ATG4B: variants seen among roughly 807,000 people sequenced by gnomAD.
The protein encoded by ATG4B is cysteine protease ATG4B.
Under a neutral mutation model 56.6 loss-of-function variants are expected in ATG4B, and 29 were observed. The ratio of observed to expected loss-of-function variants is 0.51; its 90% CI spans 0.38 to 0.70. ATG4B has a LOEUF of 0.70. ATG4B is among the 30% of genes least tolerant of loss of function. The pLI is 0.00. For missense variants in ATG4B, 461 were observed against 515.5 expected, an observed-to-expected ratio of 0.89 and a Z score of 1.02; for synonymous variants, 224 against 206.1, an observed-to-expected ratio of 1.09 and a Z score of -0.74.
At chr2:241,654,511 A>G (rs1575071007) in intron 4 of ATG4B, 35 bp from the exon 5 acceptor site, 2 of 1,445,276 alleles carry the variant, frequency 1.4e-6, no homozygotes, top group South Asian at 1.2e-5. Context: ...TCTCATATTT[A>G]TGGTAGAGCT....
At chr2:241,653,432 C>A in intron 3 of ATG4B, 80 bp from the exon 4 acceptor site, 1 of 1,551,148 alleles carries the variant, frequency 6.4e-7, no homozygotes, top group Non-Finnish European at 8.7e-7. Context: ...GTGGGACTGA[C>A]CGGCTGCCTC....
intron 1 of ATG4B, among the ~76,000 whole-genome samples, chr2:241,638,952 C>T (rs977611386): frequency 6.6e-6 from 1 of 152,240 alleles, no homozygotes; most frequent in African/African-American, 2.4e-5. Flanking sequence ...CTCAGCCACT[C>T]TGGCAGCCAG....
At chr2:241,647,622 CAAAAAAAAAAAA>C (rs35875880) in intron 1 of ATG4B, among the ~76,000 whole-genome samples, 1,246 of 117,690 alleles carry the variant, frequency 0.011, 27 homozygotes, top group African/African-American at 0.037. Flanking sequence ...GACTCCGTCT[CAAAAAAAAAAAA>C]AAAAAAAAAG....
chr2:241,671,295 C>T lies in ATG4B; in HGVS notation c.1015-17C>T, dbSNP rs1235249500. On this transcript the variant is annotated splice_polypyrimidine_tract_variant and intron_variant, in intron 11 of 12. Coordinates refer to ENST00000404914, the MANE Select transcript of ATG4B (RefSeq NM_013325.5). ...ACTGGGGTGAGGCTGCACCTAACGG[C>T]CATGTCTCACTAACAGCTGTCTCTG... 3.1e-6 allele frequency: 5 copies of T among 1,606,514 alleles called. No individual in the cohort carries two copies. The African/African-American group carries it at 5.3e-5, about 17-fold the overall frequency.
chr2:241,658,145 G>C (rs1398610911), intron 6 of ATG4B, among the ~76,000 whole-genome samples: 2 of 152,246 alleles, frequency 1.3e-5, no homozygotes, highest in Non-Finnish European at 2.9e-5. Context: ...CGCCAGGTCA[G>C]CTTTGCCAGT....
chr2:241,646,193 C>T (rs2068055061), intron 1 of ATG4B, among the ~76,000 whole-genome samples: 2 of 152,208 alleles, frequency 1.3e-5, no homozygotes, highest in African/African-American at 2.4e-5. Flanking sequence ...CTAAGAAATA[C>T]ACCTGCTGTG....
intron 8 of ATG4B, among the ~76,000 whole-genome samples, chr2:241,667,233 A>G (rs1017640550): frequency 1.3e-5 from 2 of 152,110 alleles, no homozygotes; most frequent in Non-Finnish European, 2.9e-5. Flanking sequence ...TTGGCCTGTG[A>G]GGAAGGGACG....
chr2:241,638,482 C>CAG (rs1559242885), intron 1 of ATG4B: 1 of 152,126 alleles, frequency 6.6e-6, no homozygotes, highest in Non-Finnish European at 1.5e-5. Context: ...ATCGCTAGCC[C>CAG]AGTAGCCCTA....
intron 3 of ATG4B, chr2:241,652,027 C>T: frequency 1.6e-6 from 2 of 1,250,144 alleles, no homozygotes; most frequent in Non-Finnish European, 2.1e-6. Flanking sequence ...GGGTTTGGTC[C>T]CTCTTCTAGG....
At chr2:241,643,495 C>T (rs1470960710) in intron 1 of ATG4B, among the ~76,000 whole-genome samples, 1 of 150,972 alleles carries the variant, frequency 6.6e-6, no homozygotes, top group African/African-American at 2.4e-5. Flanking sequence ...GCATGAGCCA[C>T]GGCACCTGGC....
intron 10 of ATG4B, among the ~76,000 whole-genome samples, chr2:241,669,571 G>A (rs577092322): frequency 6.6e-6 from 1 of 152,138 alleles, no homozygotes; most frequent in African/African-American, 2.4e-5. Context: ...GCAGTGGCAC[G>A]ATCTCGGCTC....
intron 1 of ATG4B, among the ~76,000 whole-genome samples, chr2:241,638,833 C>T (rs962073827): frequency 6.6e-6 from 1 of 152,168 alleles, no homozygotes; most frequent in Non-Finnish European, 1.5e-5. Context: ...TTAGAATAAC[C>T]GTCATTCACG....
intron 1 of ATG4B, among the ~76,000 whole-genome samples, chr2:241,647,473 T>G (rs531447436): frequency 1.3e-4 from 19 of 151,146 alleles, no homozygotes; most frequent in African/African-American, 4.4e-4. Context: ...TACAAAAAAT[T>G]AGCCAGGCGT....
intron 6 of ATG4B, among the ~76,000 whole-genome samples, chr2:241,656,156 CCCACGTT>C (rs765717590): frequency 6.6e-5 from 10 of 152,170 alleles, no homozygotes; most frequent in Non-Finnish European, 1.2e-4. Flanking sequence ...CCTCAGGCAT[CCCACGTT>C]CCACATTCCT....
At chr2:241,650,369 T>C (rs918443476) in intron 1 of ATG4B, among the ~76,000 whole-genome samples, 3 of 152,068 alleles carry the variant, frequency 2.0e-5, no homozygotes, top group Admixed American at 2.0e-4. Context: ...CCCATGCTTC[T>C]CCAGCACCTG....
chr2:241,660,053 G>A (rs1390932940), intron 7 of ATG4B, among the ~76,000 whole-genome samples: 1 of 152,156 alleles, frequency 6.6e-6, no homozygotes, highest in African/African-American at 2.4e-5. Context: ...AGCTGGGCAT[G>A]GTGGCACGCG....
In ATG4B at chr2:241,672,314, C is replaced by A. The variant is rs2069005238; in HGVS notation, c.*50C>A. 6.7e-7 allele frequency: 1 copy of A among 1,484,056 alleles called. No homozygotes were observed. Among genetic ancestry groups the A allele is most frequent in the Non-Finnish European group, 9.2e-7 (1 of 1,086,188 alleles). 91.9% of individuals were successfully genotyped at this position (1,484,056 alleles called of 1,614,324 possible). On this transcript the variant is annotated 3_prime_UTR_variant, in exon 13 of 13. Coordinates refer to ENST00000404914, the MANE Select transcript of ATG4B (RefSeq NM_013325.5). ...CTGTGAGAGCCTGGGGCTCCTGGTGCCGCTGCGTTTCATCCATCCCGCCCG... is the reference window on the plus strand; with the variant it reads ...CTGTGAGAGCCTGGGGCTCCTGGTGACGCTGCGTTTCATCCATCCCGCCCG...
Position 241,668,087 on chromosome 2 carries a change from G to C in ATG4B, c.733-56G>C. 6.6e-7 allele frequency: 1 copy of C among 1,525,826 alleles called. No homozygotes were observed. Among genetic ancestry groups the C allele is most frequent in the Non-Finnish European group, 8.9e-7 (1 of 1,126,736 alleles). The allele number at this position is 1,525,826 out of a possible 1,614,324, so 94.5% of individuals were successfully genotyped here. ...CCTTGGGCCCCCTATGGCAGTGGGT[G>C]GGGGGACCGTCTGCTCCCACCTGGG... is the stretch of plus-strand genomic sequence containing the variant. On this transcript the variant is annotated intron_variant, in intron 8 of 12. Transcript: ENST00000404914. This position sits in a 1 kb window ranked among gnomAD's most constrained non-coding sequence, Gnocchi z 4.2.
In ATG4B at chr2:241,673,663, C is replaced by G. The variant is rs780611752; in HGVS notation, c.*1399C>G. The G allele has an allele frequency of 6.6e-6, 3 of 456,460 alleles. No homozygotes were observed. In the Admixed American group the frequency reaches 7.0e-5, roughly 11 times the overall value. 28.3% of individuals were successfully genotyped at this position (456,460 alleles called of 1,614,324 possible). The stretch of plus-strand genomic sequence containing the variant: ...AGGGAAGGCTGGTGCGATCTCCATT[C>G]CTTGGGCTCCACGTCCGAGTTCATG... On this transcript the variant is annotated 3_prime_UTR_variant, in exon 13 of 13. Transcript: ENST00000404914.
Sources: gnomAD v4.1 joint callset for allele counts (sites outside exome capture counted in the v4.1 genomes callset) on GRCh38, gnomAD v4.1.1 for gene constraint, Gnocchi (gnomAD v3.1) non-coding constraint, MANE v1.5 for transcripts, NCBI Gene and HGNC (gene_info 2026-07-23, HGNC 2026-07-21) for gene names.